LRTM1: variants seen among roughly 807,000 people sequenced by gnomAD.
LRTM1 encodes leucine-rich repeat and transmembrane domain-containing protein 1.
In LRTM1, 38 loss-of-function variants were observed where a neutral mutation model predicts 32.4. The observed-to-expected ratio is 1.17, with a 90% CI of 0.91 to 1.54. The LOEUF (loss-of-function observed/expected upper bound fraction) is 1.54. Among genes scored for constraint, LRTM1 ranks in the 40% most tolerant of loss-of-function variants. The pLI, the probability that LRTM1 is intolerant of heterozygous loss-of-function variation, is 0.00. For missense variants in LRTM1, 466 were observed against 415.4 expected, an observed-to-expected ratio of 1.12 and a Z score of -1.06; for synonymous variants, 186 against 169.9, an observed-to-expected ratio of 1.09 and a Z score of -0.74.
intron 1 of LRTM1, among the ~76,000 whole-genome samples, chr3:54,944,254 C>T (rs1037411868): frequency 6.6e-6 from 1 of 151,914 alleles, no homozygotes; most frequent in African/African-American, 2.4e-5. Context: ...AAATGCATAT[C>T]CTTCAGTTCT....
intron 1 of LRTM1, among the ~76,000 whole-genome samples, chr3:54,926,872 A>T (rs552676874): frequency 6.6e-6 from 1 of 152,254 alleles, no homozygotes; most frequent in East Asian, 1.9e-4. Flanking sequence ...GAATCCAGAG[A>T]AATCTTCTCA....
intron 1 of LRTM1, among the ~76,000 whole-genome samples, chr3:54,966,192 GC>G (rs1177227312): frequency 6.6e-6 from 1 of 152,106 alleles, no homozygotes; most frequent in Non-Finnish European, 1.5e-5. Flanking sequence ...TGACAGGTGG[GC>G]CCAGGACAGC....
intron 1 of LRTM1, among the ~76,000 whole-genome samples, chr3:54,966,662 T>C (rs148375342): frequency 1.3e-5 from 2 of 151,846 alleles, no homozygotes; most frequent in East Asian, 1.9e-4. Flanking sequence ...CTACAGAAAA[T>C]ACAAAAATTA....
At chr3:54,956,098 C>A (rs1467633064) in intron 1 of LRTM1, among the ~76,000 whole-genome samples, 1 of 152,210 alleles carries the variant, frequency 6.6e-6, no homozygotes, top group Non-Finnish European at 1.5e-5. Flanking sequence ...CTCATAATCA[C>A]CTCATGTGCA....
chr3:54,918,708 C>T lies in LRTM1; in HGVS notation c.789G>A (p.Ala263=), dbSNP rs551816704. The change falls in exon 3 of 3, where the codon GCG becomes GCA. Residue 263 remains alanine, a synonymous_variant. Transcript: ENST00000273286. ...CGCACTCCAAGAGTTCTCGCTCCCCCGCGTTGTGGTTCTCAGGAGGCCTCA... is the reference window on the plus strand; with the variant it reads ...CGCACTCCAAGAGTTCTCGCTCCCCTGCGTTGTGGTTCTCAGGAGGCCTCA... The part of the protein sequence containing the change: ...VVLRPPENHN[A]GERELLECEL... 75 of 1,614,130 alleles carry T rather than the reference C, an allele frequency of 4.6e-5. 1 individual carries two copies. Among genetic ancestry groups the T allele is most frequent in the South Asian group, 4.5e-4 (41 of 91,074 alleles).
chr3:54,955,598 T>C (rs1701867625), intron 1 of LRTM1, among the ~76,000 whole-genome samples: 1 of 152,172 alleles, frequency 6.6e-6, no homozygotes, highest in Non-Finnish European at 1.5e-5. Context: ...TCTATCAGCA[T>C]GTCAAAGCTC....
Position 54,918,321 on chromosome 3 carries a change from C to CTTTTTTTTTTCTTTTT in LRTM1, c.*122_*137dup. 5.1e-6 allele frequency: 2 copies of CTTTTTTTTTTCTTTTT among 390,728 alleles called. No individual in the cohort carries two copies. Among genetic ancestry groups the CTTTTTTTTTTCTTTTT allele is most frequent in the Non-Finnish European group, 8.4e-6 (2 of 236,698 alleles). The allele number at this position is 390,728 out of a possible 1,614,324, so 24.2% of individuals were successfully genotyped here. On this transcript the variant is annotated 3_prime_UTR_variant, in exon 3 of 3. Transcript: ENST00000273286. ...CCAGAAATATTTTTTACAGACACATCTTTTTTTTTTCTTTTTTTTTTTTTT... is the reference window on the plus strand; with the variant it reads ...CCAGAAATATTTTTTACAGACACATCTTTTTTTTTTCTTTTTTTTTTTTTTTCTTTTTTTTTTTTTT...
chr3:54,958,427 G>A (rs1250075570), intron 1 of LRTM1, among the ~76,000 whole-genome samples: 2 of 152,138 alleles, frequency 1.3e-5, no homozygotes, highest in African/African-American at 2.4e-5. Context: ...GTCAAAGTCA[G>A]TTTATTCCCT....
intron 1 of LRTM1, among the ~76,000 whole-genome samples, chr3:54,946,159 G>A (rs1701608461): frequency 6.6e-6 from 1 of 152,180 alleles, no homozygotes; most frequent in Admixed American, 6.5e-5. Flanking sequence ...CCACCTCAGT[G>A]TCTTAGCTTC....
chr3:54,945,501 T>A (rs1384509572), intron 1 of LRTM1, among the ~76,000 whole-genome samples: 4 of 152,190 alleles, frequency 2.6e-5, no homozygotes. Context: ...GTCTTTTAGG[T>A]GCCTATCCAT....
At chr3:54,921,390 C>G (rs904939621) in intron 2 of LRTM1, among the ~76,000 whole-genome samples, 1 of 152,114 alleles carries the variant, frequency 6.6e-6, no homozygotes, top group Non-Finnish European at 1.5e-5. Flanking sequence ...AGCATAATAC[C>G]TAGCTCAGAG....
At chr3:54,936,509 T>C (rs916586962) in intron 1 of LRTM1, among the ~76,000 whole-genome samples, 4 of 152,184 alleles carry the variant, frequency 2.6e-5, no homozygotes, top group Non-Finnish European at 5.9e-5. Context: ...GTTAGCAAAA[T>C]AAAGGCCCTG....
In LRTM1 at chr3:54,944,961, A is replaced by G. The variant is rs574947845; in HGVS notation, c.-221-19746T>C. Among the ~76,000 whole-genome samples the G allele has an allele frequency of 1.1e-4, 17 of 152,264 alleles. No individual in the cohort carries two copies. The South Asian group carries it at 3.3e-3, about 30-fold the overall frequency. The stretch of plus-strand genomic sequence containing the variant: ...TCACTTTTAAGAGTGAGGCACTAAA[A>G]TGCAGATTGAAAGTTTCTCCACAAA... On this transcript the variant is annotated intron_variant, in intron 1 of 2. Coordinates refer to the LRTM1 transcript ENST00000493075.
chr3:54,959,033 C>T lies in LRTM1; in HGVS notation c.-222+7895G>A, dbSNP rs146524598. On this transcript the variant is annotated intron_variant, in intron 1 of 2. Coordinates refer to the LRTM1 transcript ENST00000493075. ...GGATAATTGCCTGAGCCTGGGAGGT[C>T]GAGGCTGCAGTGAGCCATGATCGCG... is the stretch of plus-strand genomic sequence containing the variant. Among the ~76,000 whole-genome samples the T allele has an allele frequency of 1.0e-2, 1,515 of 151,874 alleles. 25 individuals are homozygous for T. Among genetic ancestry groups the T allele is most frequent in the African/African-American group, 0.034 (1,422 of 41,408 alleles).
chr3:54,937,144 A>G (rs1168804763), intron 1 of LRTM1, among the ~76,000 whole-genome samples: 1 of 152,210 alleles, frequency 6.6e-6, no homozygotes, highest in East Asian at 1.9e-4. Context: ...CTTAAAAATA[A>G]GGTGTGCTCA....
chr3:54,937,273 C>G (rs571898080), intron 1 of LRTM1, among the ~76,000 whole-genome samples: 48 of 152,292 alleles, frequency 3.2e-4, no homozygotes, highest in African/African-American at 1.1e-3. Context: ...CAAAATAAGA[C>G]ACAGCTCAAT....
chr3:54,918,993 AC>A, intron 2 of LRTM1, 101 bp from the exon 3 acceptor site: 10 of 906,742 alleles, frequency 1.1e-5, no homozygotes, highest in Middle Eastern at 3.6e-4. Flanking sequence ...TTTATGAAGT[AC>A]CTTTTTTTTT....
At chr3:54,950,895 T>C (rs1045565019) in intron 1 of LRTM1, among the ~76,000 whole-genome samples, 3 of 152,194 alleles carry the variant, frequency 2.0e-5, no homozygotes, top group East Asian at 3.9e-4. Flanking sequence ...ACAGACAAGA[T>C]GGGGTGAGAG....
At chr3:54,944,815 GT>G (rs1221864127) in intron 1 of LRTM1, among the ~76,000 whole-genome samples, 2,056 of 82,258 alleles carry the variant, frequency 0.025, 42 homozygotes, top group African/African-American at 0.12. Context: ...AGAGCTGGGG[GT>G]GTGTGTGTGT....
Sources: allele counts gnomAD v4.1 joint callset (sites outside exome capture counted in the v4.1 genomes callset), GRCh38; gene constraint gnomAD v4.1.1; transcripts MANE v1.5; gene names NCBI Gene and HGNC (gene_info 2026-07-23, HGNC 2026-07-21).